The following ANK3 variants were observed in gnomAD, a reference collection of about 807,000 sequenced individuals.
The protein encoded by ANK3 is ankyrin 3, also known as ankyrin-3.
In ANK3, 57 loss-of-function variants were observed where a neutral mutation model predicts 370.9. The observed-to-expected ratio is 0.15, with a 90% CI of 0.12 to 0.19. The LOEUF (loss-of-function observed/expected upper bound fraction) is 0.19, where lower values mean the gene tolerates loss of function less well. Ranked by LOEUF, ANK3 falls within the 10% of genes least tolerant of loss-of-function variation. The pLI, the probability that ANK3 is intolerant of heterozygous loss-of-function variation, is 1.00. For synonymous variants in ANK3, 1,929 were observed against 1,946.3 expected, an observed-to-expected ratio of 0.99 and a Z score of 0.23; for missense variants, 4,439 against 5,302.1, an observed-to-expected ratio of 0.84 and a Z score of 5.06.
intron 38 of ANK3, among the ~76,000 whole-genome samples, chr10:60,064,664 T>C (rs1485923810): frequency 7.6e-5 from 6 of 79,176 alleles, no homozygotes; most frequent in Non-Finnish European, 1.5e-4. Context: ...CCGGTCTCCA[T>C]ACACACAGCA....
chr10:60,120,140 G>C (rs2093375703), intron 25 of ANK3, among the ~76,000 whole-genome samples: 1 of 152,092 alleles, frequency 6.6e-6, no homozygotes, highest in Non-Finnish European at 1.5e-5. Context: ...ACACAATATA[G>C]AACCCAGAGA....
intron 1 of ANK3, among the ~76,000 whole-genome samples, chr10:60,328,162 T>C (rs1054523084): frequency 6.6e-6 from 1 of 152,200 alleles, no homozygotes; most frequent in Non-Finnish European, 1.5e-5. Context: ...GATGCAGTGG[T>C]GACTTTTCTG....
intron 1 of ANK3, among the ~76,000 whole-genome samples, chr10:60,655,465 T>A (rs10761542): frequency 0.68 from 102,414 of 151,298 alleles, 34,780 homozygotes; most frequent in South Asian, 0.83. Context: ...AAATGAAAAA[T>A]ATTTTAAATA....
intron 1 of ANK3, among the ~76,000 whole-genome samples, chr10:60,373,163 AG>A (rs1021897142): frequency 3.0e-4 from 46 of 152,356 alleles, no homozygotes; most frequent in African/African-American, 1.0e-3. Flanking sequence ...TGACTGGGAC[AG>A]GAAAAAATGA....
At chr10:60,277,269 C>T (rs796122494) in intron 4 of ANK3, among the ~76,000 whole-genome samples, 3 of 152,102 alleles carry the variant, frequency 2.0e-5, no homozygotes, top group African/African-American at 7.2e-5. Context: ...ACTAGAAAAT[C>T]CTGGTAAAAT....
In ANK3 at chr10:60,430,090, C is replaced by A. The variant is rs1236027793; in HGVS notation, c.97-150451G>T. 3.3e-5 allele frequency among the ~76,000 whole-genome samples: 5 copies of A among 152,130 alleles called. No homozygotes were observed. The East Asian group carries it at 9.6e-4, about 29-fold the overall frequency. On this transcript the variant is annotated intron_variant, in intron 2 of 43. Transcript: ENST00000373827. Reference sequence around the variant, plus strand: ...ATTTTACTTGAGCTTTTTTATCTGGCTCATCAAAAAATATAATGATCATTT... The same window carrying A: ...ATTTTACTTGAGCTTTTTTATCTGGATCATCAAAAAATATAATGATCATTT...
intron 7 of ANK3, among the ~76,000 whole-genome samples, chr10:60,241,171 T>C (rs1263409930): frequency 6.6e-6 from 1 of 151,994 alleles, no homozygotes; most frequent in Non-Finnish European, 1.5e-5. Flanking sequence ...CCTAAAAATA[T>C]GATGATTTTT....
At chr10:60,201,327 T>C (rs2096669958) in intron 12 of ANK3, among the ~76,000 whole-genome samples, 1 of 152,226 alleles carries the variant, frequency 6.6e-6, no homozygotes. Flanking sequence ...GCACTCTTAC[T>C]GGGGAGCCCC....
chr10:60,195,548 C>T (rs1157165613), intron 16 of ANK3, among the ~76,000 whole-genome samples: 1 of 152,016 alleles, frequency 6.6e-6, no homozygotes, highest in Non-Finnish European at 1.5e-5. Flanking sequence ...CTTATTAAAC[C>T]AATAGCACTC....
intron 8 of ANK3, among the ~76,000 whole-genome samples, chr10:60,214,652 G>A (rs1591838589): frequency 1.3e-5 from 2 of 152,072 alleles, no homozygotes. Flanking sequence ...GAGGATGATG[G>A]CTTCCGGCTT....
intron 1 of ANK3, among the ~76,000 whole-genome samples, chr10:60,296,952 C>T (rs993295211): frequency 6.6e-6 from 1 of 152,164 alleles, no homozygotes; most frequent in Non-Finnish European, 1.5e-5. Flanking sequence ...CGCACTCCAG[C>T]CTGGGCAACG....
In ANK3 at chr10:60,028,747, A is replaced by G. The variant is rs1311808688; in HGVS notation, c.*1099T>C. On this transcript the variant is annotated 3_prime_UTR_variant, in exon 44 of 44. Coordinates refer to ENST00000280772, the MANE Select transcript of ANK3 (RefSeq NM_020987.5). ...GTTCAGTCCTTTTTAAATACCCCCG[A>G]CTGGGGCCTTTTATGAGCACCATCC... is the stretch of plus-strand genomic sequence containing the variant. The G allele has an allele frequency of 6.6e-6, 1 of 152,530 alleles. No individual in the cohort carries two copies. Among genetic ancestry groups the G allele is most frequent in the Non-Finnish European group, 1.5e-5 (1 of 68,016 alleles). The allele number at this position is 152,530 out of a possible 1,614,324, so 9.4% of individuals were successfully genotyped here. A position where few individuals can be genotyped will look rare whatever the true frequency, so the allele number is the denominator to read the frequency against.
intron 2 of ANK3, among the ~76,000 whole-genome samples, chr10:60,491,985 C>T (rs534820560): frequency 1.1e-3 from 167 of 148,594 alleles, no homozygotes; most frequent in Middle Eastern, 7.0e-3. Context: ...AAATGACAAA[C>T]CTCATATACA....
chr10:60,608,241 C>G (rs976147033), intron 2 of ANK3, among the ~76,000 whole-genome samples: 1 of 152,154 alleles, frequency 6.6e-6, no homozygotes, highest in African/African-American at 2.4e-5. Context: ...CTCCTTTACT[C>G]TTGTTTTTTA....
chr10:60,090,497 C>G (rs980048809), intron 28 of ANK3, among the ~76,000 whole-genome samples: 1 of 151,874 alleles, frequency 6.6e-6, no homozygotes, highest in African/African-American at 2.4e-5. Flanking sequence ...ACTTGAAAAG[C>G]AAAAAGTAGA....
In ANK3 at chr10:60,180,829, G is replaced by A. The variant is rs571518237; in HGVS notation, c.2184+500C>T. 4.6e-4 allele frequency among the ~76,000 whole-genome samples: 70 copies of A among 151,928 alleles called. 1 individual carries two copies. Among genetic ancestry groups the A allele is most frequent in the African/African-American group, 1.7e-3 (69 of 41,448 alleles). ...CAATTTTTTTTTCTTTTTGAAATGA[G>A]AGCTTTCTCGTCTGAGAGAGGGAGA... On this transcript the variant is annotated intron_variant, in intron 18 of 43. Transcript: ENST00000280772.
At chr10:60,440,663 A>G (rs555264899) in intron 2 of ANK3, among the ~76,000 whole-genome samples, 2 of 152,276 alleles carry the variant, frequency 1.3e-5, no homozygotes, top group East Asian at 1.9e-4. Context: ...CAGAGTACTG[A>G]GACTCCCACC....
At chr10:60,032,668 T>C (rs1343969523) in intron 43 of ANK3, among the ~76,000 whole-genome samples, 3 of 152,208 alleles carry the variant, frequency 2.0e-5, no homozygotes, top group Non-Finnish European at 4.4e-5. Context: ...TCTGGATATA[T>C]TGGATATGTT....
chr10:60,067,375 TTAAA>T (rs1157917490), intron 38 of ANK3, among the ~76,000 whole-genome samples: 3 of 152,238 alleles, frequency 2.0e-5, no homozygotes, highest in Non-Finnish European at 2.9e-5. Context: ...GATTTTTCTT[TTAAA>T]TAAATATTTG....
Sources: gnomAD v4.1 joint callset for allele counts (sites outside exome capture counted in the v4.1 genomes callset) on GRCh38, gnomAD v4.1.1 for gene constraint, MANE v1.5 for transcripts, NCBI Gene and HGNC (gene_info 2026-07-23, HGNC 2026-07-21) for gene names.